The following PTPRZ1 variants were observed in gnomAD, a reference collection of about 807,000 sequenced individuals.
PTPRZ1 encodes the protein protein tyrosine phosphatase receptor type Z1, also known as receptor-type tyrosine-protein phosphatase zeta.
Under a neutral mutation model 214.1 loss-of-function variants are expected in PTPRZ1, and 82 were observed. That is an observed-to-expected ratio of 0.38 (90% CI 0.32 to 0.46). The LOEUF is 0.46. PTPRZ1 is among the 20% of genes least tolerant of loss of function. The pLI, the probability that PTPRZ1 is intolerant of heterozygous loss-of-function variation, is 1.00. For missense variants in PTPRZ1, 2,603 were observed against 2,748.7 expected, an observed-to-expected ratio of 0.95 and a Z score of 1.19; for synonymous variants, 945 against 987.9, an observed-to-expected ratio of 0.96 and a Z score of 0.81.
At chr7:121,929,676 C>T (rs1362449522) in intron 2 of PTPRZ1, among the ~76,000 whole-genome samples, 4 of 151,570 alleles carry the variant, frequency 2.6e-5, no homozygotes, top group African/African-American at 7.3e-5. Flanking sequence ...GGCATGTTGG[C>T]GCATGCTTCT....
chr7:121,958,190 G>A (rs961186785), intron 2 of PTPRZ1, among the ~76,000 whole-genome samples: 16 of 152,062 alleles, frequency 1.1e-4, no homozygotes, highest in African/African-American at 3.9e-4. Context: ...TCTGTAGTCT[G>A]AATTGCAAGT....
At chr7:121,929,276 C>A (rs962585038) in intron 2 of PTPRZ1, among the ~76,000 whole-genome samples, 2 of 151,936 alleles carry the variant, frequency 1.3e-5, no homozygotes, top group African/African-American at 4.8e-5. Context: ...GTTATGCATG[C>A]AGTTTACTCT....
At position 122,040,954 on chromosome 7, in the gene PTPRZ1, G is replaced by A; in HGVS notation, c.5776G>A (p.Val1926Met). 1 of 1,580,114 alleles carries A rather than the reference G, an allele frequency of 6.3e-7. No homozygotes were observed. The highest frequency in any genetic ancestry group is 8.7e-7 in the Non-Finnish European group (1 of 1,155,738). Residue 1926 changes from valine (V) to methionine (M), a missense_variant, in exon 21 of 30, where the codon GTG becomes ATG. By Grantham distance (21) the Val-to-Met change is conservative (BLOSUM62 1). Coordinates refer to ENST00000393386, the MANE Select transcript of PTPRZ1 (RefSeq NM_002851.3). ...RKAAYAKRHAVGPVVVHCSAG... is the reference protein window; with the variant it reads ...RKAAYAKRHAMGPVVVHCSAG... ...GGCAGCCTATGCCAAGCGCCATGCA[G>A]TGGGGCCTGTTGTCGTCCACTGCAG...
intron 23 of PTPRZ1, among the ~76,000 whole-genome samples, chr7:122,049,716 G>A (rs1792110461): frequency 6.6e-6 from 1 of 152,112 alleles, no homozygotes; most frequent in African/African-American, 2.4e-5. Context: ...TCCTTACATT[G>A]ACTATAGAAG....
At chr7:122,020,976 T>C (rs1276473054) in intron 13 of PTPRZ1, among the ~76,000 whole-genome samples, 2 of 152,196 alleles carry the variant, frequency 1.3e-5, no homozygotes, top group African/African-American at 4.8e-5. Flanking sequence ...CACATTGATA[T>C]GTGTATTCAG....
chr7:122,051,971 AG>A, intron 25 of PTPRZ1, 32 bp downstream of exon 25: 6 of 1,553,454 alleles, frequency 3.9e-6, no homozygotes, highest in Non-Finnish European at 5.2e-6. Context: ...GGAGACTGCC[AG>A]CTTGTGTTAC....
At chr7:121,882,972 A>G (rs1485003019) in intron 1 of PTPRZ1, among the ~76,000 whole-genome samples, 2 of 152,186 alleles carry the variant, frequency 1.3e-5, no homozygotes, top group Admixed American at 6.5e-5. Flanking sequence ...GAAGGTGAAG[A>G]TGTAGCATGG....
chr7:122,014,760 T>A (rs1030170352), intron 12 of PTPRZ1, among the ~76,000 whole-genome samples: 1 of 152,180 alleles, frequency 6.6e-6, no homozygotes, highest in Non-Finnish European at 1.5e-5. Context: ...ATGTATTTAT[T>A]TATTTATTTA....
At chr7:122,003,706 C>G (rs1798392562) in intron 10 of PTPRZ1, among the ~76,000 whole-genome samples, 1 of 152,124 alleles carries the variant, frequency 6.6e-6, no homozygotes, top group African/African-American at 2.4e-5. Flanking sequence ...AATGCTCAAA[C>G]CTCACAGTTA....
At chr7:121,886,808 C>A (rs953333839) in intron 1 of PTPRZ1, among the ~76,000 whole-genome samples, 4 of 152,000 alleles carry the variant, frequency 2.6e-5, no homozygotes, top group Non-Finnish European at 5.9e-5. Context: ...TCCATGGAAA[C>A]CTTTGAGAAA....
chr7:121,997,774 G>A, intron 9 of PTPRZ1, 106 bp from the exon 10 acceptor site: 1 of 839,244 alleles, frequency 1.2e-6, no homozygotes, highest in South Asian at 2.2e-5. Flanking sequence ...TAAAATAGAA[G>A]TATTTTCCAC....
At chr7:121,940,822 C>A (rs1267509906) in intron 2 of PTPRZ1, among the ~76,000 whole-genome samples, 1 of 151,634 alleles carries the variant, frequency 6.6e-6, no homozygotes. Flanking sequence ...AAAAAAAGGG[C>A]TCTTTAGCTT....
chr7:121,916,272 CA>C (rs59701928), intron 1 of PTPRZ1, among the ~76,000 whole-genome samples: 1,419 of 109,690 alleles, frequency 0.013, 10 homozygotes, highest in African/African-American at 0.031. Context: ...GACTCCATCT[CA>C]AAAAAAAAAA....
At chr7:121,874,526 A>G (rs563145839) in intron 1 of PTPRZ1, among the ~76,000 whole-genome samples, 2 of 152,332 alleles carry the variant, frequency 1.3e-5, no homozygotes, top group South Asian at 4.1e-4. Flanking sequence ...TTCTTTTCAG[A>G]GGCTCCCAAT....
intron 11 of PTPRZ1, among the ~76,000 whole-genome samples, chr7:122,009,983 A>G (rs1023494633): frequency 9.2e-5 from 14 of 152,148 alleles, no homozygotes; most frequent in Non-Finnish European, 2.1e-4. Flanking sequence ...TGCCTGATGA[A>G]CAAAGAAATA....
chr7:122,046,106 T>C (rs1309043031), intron 23 of PTPRZ1, among the ~76,000 whole-genome samples: 1 of 152,178 alleles, frequency 6.6e-6, no homozygotes, highest in Admixed American at 6.5e-5. Flanking sequence ...CCTAGTCTTA[T>C]GGTGCCTGCA....
intron 2 of PTPRZ1, among the ~76,000 whole-genome samples, chr7:121,965,665 A>T (rs1797028281): frequency 6.6e-6 from 1 of 152,188 alleles, no homozygotes; most frequent in African/African-American, 2.4e-5. Flanking sequence ...CATATTCATA[A>T]GTCCTGTTCA....
chr7:121,903,517 T>C (rs1363164343), intron 1 of PTPRZ1, among the ~76,000 whole-genome samples: 1 of 152,036 alleles, frequency 6.6e-6, no homozygotes, highest in Non-Finnish European at 1.5e-5. Context: ...TTGCTAACTT[T>C]TGAATGAAAT....
chr7:122,044,312 C>T (rs899002510), intron 22 of PTPRZ1, 110 bp from the exon 23 acceptor site: 3 of 1,288,002 alleles, frequency 2.3e-6, no homozygotes, highest in Non-Finnish European at 1.1e-6. Context: ...GTGGGTCTTC[C>T]CCCATTCTGT....
Sources: allele counts gnomAD v4.1 joint callset (sites outside exome capture counted in the v4.1 genomes callset), GRCh38; gene constraint gnomAD v4.1.1; transcripts MANE v1.5; gene names NCBI Gene and HGNC (gene_info 2026-07-23, HGNC 2026-07-21).